HCRTR1: variants seen among roughly 807,000 people sequenced by gnomAD.
The protein encoded by HCRTR1 is hypocretin receptor 1, also known as orexin/Hypocretin receptor type 1.
Under a neutral mutation model 40.6 loss-of-function variants are expected in HCRTR1, and 28 were observed. That is an observed-to-expected ratio of 0.69 (90% CI 0.51 to 0.95). The LOEUF is 0.95. Among genes scored for constraint, HCRTR1 ranks in the 40% least tolerant of loss-of-function variants. The pLI is 0.00. For synonymous variants in HCRTR1, 209 were observed against 230.0 expected (o/e 0.91, Z 0.83); for missense variants, 482 against 564.7 (o/e 0.85, Z 1.48).
downstream of HCRTR1, among the ~76,000 whole-genome samples, chr1:31,628,466 G>C (rs1006396825): frequency 2.0e-5 from 3 of 152,242 alleles, no homozygotes; most frequent in African/African-American, 7.2e-5. Context: ...GGTTGGCACA[G>C]TGCATAGGTA....
chr1:31,627,317 T>TCC lies in HCRTR1; in HGVS notation c.*337_*338insCC. The TCC allele has an allele frequency of 7.5e-7, 1 of 1,335,870 alleles. No individual in the cohort carries two copies. The highest frequency in any genetic ancestry group is 9.8e-7 in the Non-Finnish European group (1 of 1,019,542). The allele number at this position is 1,335,870 out of a possible 1,614,324, so 82.8% of individuals were successfully genotyped here. On this transcript the variant is annotated 3_prime_UTR_variant, in exon 9 of 9. Coordinates refer to ENST00000403528, the MANE Select transcript of HCRTR1 (RefSeq NM_001525.3). ...TCCTAAAGACCCCTTTCCTACCCAA[T>TCC]TACAGGCCTTCCCTGGAGTCTGCTC...
rs546941944 is a variant in HCRTR1 at position 31,620,695 on chromosome 1, G to T, written c.379-148G>T. On this transcript the variant is annotated intron_variant, in intron 4 of 8. Transcript: ENST00000403528. ...ATTCTGTAGACGAGGCTCAGAGAGG[G>T]TGAGTGACTTGCCCACATTTACACA... 54 of 976,840 alleles carry T rather than the reference G, an allele frequency of 5.5e-5. No individual in the cohort carries two copies. In the African/African-American group the frequency reaches 7.9e-4, roughly 14 times the overall value. 60.5% of individuals were successfully genotyped at this position (976,840 alleles called of 1,614,324 possible).
chr1:31,624,414 C>A (rs1639928855), intron 7 of HCRTR1, among the ~76,000 whole-genome samples: 2 of 146,750 alleles, frequency 1.4e-5, no homozygotes, highest in Admixed American at 6.8e-5. Context: ...CATGATTGCA[C>A]CACTGCACTC....
rs749859402 is a variant in HCRTR1, at chr1:31,619,343, G to T, written c.151G>T (p.Ala51Ser). The T allele has an allele frequency of 6.2e-7, 1 of 1,614,218 alleles. No homozygotes were observed. Among genetic ancestry groups the T allele is most frequent in the Non-Finnish European group, 8.5e-7 (1 of 1,180,028 alleles). ...AAAACAGTATGAGTGGGTCCTCATC[G>T]CAGCCTATGTGGCTGTGTTCGTCGT... is the stretch of plus-strand genomic sequence containing the variant. ...YPKQYEWVLI[A>S]AYVAVFVVAL... Residue 51 changes from alanine (A) to serine (S), a missense_variant, in exon 3 of 9, where the codon GCA becomes TCA. Transcript: ENST00000403528.
At chr1:31,620,773 T>C in intron 4 of HCRTR1, 70 bp from the exon 5 acceptor site, 1 of 1,565,816 alleles carries the variant, frequency 6.4e-7, no homozygotes, top group Non-Finnish European at 8.6e-7. Context: ...GCCGTCAGCC[T>C]CCTCACTCAC....
Position 31,625,557 on chromosome 1 carries a change from C to G in HCRTR1, c.1087+439C>G, listed in dbSNP as rs1331435348. Reference sequence around the variant, plus strand: ...GTGTCAGGGCTAAAGTAGGGTCACTCTGAGAGACAAGCCAGGCCCAGGGAA... The same window carrying G: ...GTGTCAGGGCTAAAGTAGGGTCACTGTGAGAGACAAGCCAGGCCCAGGGAA... On this transcript the variant is annotated intron_variant, in intron 8 of 8. Transcript: ENST00000403528. This position sits in a 1 kb window ranked among gnomAD's most constrained non-coding sequence, Gnocchi z 4.2. Among the ~76,000 whole-genome samples, 15 of 152,222 alleles carry G rather than the reference C, an allele frequency of 9.9e-5. No individual in the cohort carries two copies. Among genetic ancestry groups the G allele is most frequent in the Admixed American group, 9.8e-4 (15 of 15,286 alleles).
chr1:31,632,304 G>T, downstream of HCRTR1: 1 of 967,450 alleles, frequency 1.0e-6, no homozygotes, highest in Non-Finnish European at 1.6e-6. Flanking sequence ...GTGTTTCCTT[G>T]CCCTGGCTCT....
chr1:31,624,654 G>A (rs765977886), intron 7 of HCRTR1, among the ~76,000 whole-genome samples: 9 of 152,056 alleles, frequency 5.9e-5, no homozygotes, highest in Admixed American at 3.3e-4. Flanking sequence ...TGTGATCTTC[G>A]GCATGTCACT....
chr1:31,628,793 G>A (rs921396697), downstream of HCRTR1, among the ~76,000 whole-genome samples: 2 of 152,376 alleles, frequency 1.3e-5, no homozygotes, highest in East Asian at 1.9e-4. Flanking sequence ...CAAGGGCAGA[G>A]ATGCTCAGCG....
chr1:31,618,475 C>G (rs1639777947), intron 1 of HCRTR1, among the ~76,000 whole-genome samples: 1 of 152,182 alleles, frequency 6.6e-6, no homozygotes, highest in Admixed American at 6.5e-5. Context: ...ACCGGAGGGT[C>G]TGGCAGGTAT....
In HCRTR1 at chr1:31,626,780, C is replaced by A; in HGVS notation, c.1088-10C>A. 1 of 1,601,204 alleles carries A rather than the reference C, an allele frequency of 6.2e-7. No individual in the cohort carries two copies. Among genetic ancestry groups the A allele is most frequent in the Non-Finnish European group, 8.5e-7 (1 of 1,172,196 alleles). ...CTCCTTATGGCTGTGTCTTTTGTCT[C>A]CCAACCAAGGCAAATTCCGGGAGCA... On this transcript the variant is annotated splice_polypyrimidine_tract_variant and intron_variant, in intron 8 of 8. Transcript: ENST00000403528. The surrounding 1 kb of genome is among the most constrained non-coding windows in gnomAD (Gnocchi z 4.6).
chr1:31,630,742 G>C, downstream of HCRTR1: 1 of 1,614,192 alleles, frequency 6.2e-7, no homozygotes, highest in Non-Finnish European at 8.5e-7. Context: ...CCTGGATGAA[G>C]CGGTCAAGCT....
At chr1:31,632,231 G>A (rs1300412424), downstream of HCRTR1, 44 of 639,840 alleles carry the variant, frequency 6.9e-5, no homozygotes, top group South Asian at 7.3e-4. Flanking sequence ...CATCCTTAAG[G>A]CTCCCTGTGG....
intron 7 of HCRTR1, among the ~76,000 whole-genome samples, chr1:31,624,448 CAAAAAA>C (rs11438872): frequency 3.6e-5 from 4 of 111,044 alleles, no homozygotes; most frequent in African/African-American, 5.0e-5. Flanking sequence ...ACAGCTGTCT[CAAAAAA>C]AAAAAAAAAA....
chr1:31,619,449 T>C, intron 3 of HCRTR1, 58 bp downstream of exon 3: 1 of 1,612,248 alleles, frequency 6.2e-7, no homozygotes. Flanking sequence ...TGAAGGGGGT[T>C]GTGTGGGAGG....
At chr1:31,633,934 A>G (rs1640186052), downstream of HCRTR1, among the ~76,000 whole-genome samples, 1 of 151,870 alleles carries the variant, frequency 6.6e-6, no homozygotes, top group South Asian at 2.1e-4. Context: ...CAGCCTGGGC[A>G]ACAAAAGCGA....
At position 31,623,674 on chromosome 1, in the gene HCRTR1, C is replaced by T; in HGVS notation, c.890C>T (p.Ala297Val). Reference protein sequence around the residue: ...VKQMRARRKTAKMLMVVLLVF... With the variant: ...VKQMRARRKTVKMLMVVLLVF... Reference sequence around the variant, plus strand: ...CAGATGCGTGCACGGAGGAAGACAGCCAAGATGCTGATGGTGGTGCTGCTG... The same window carrying T: ...CAGATGCGTGCACGGAGGAAGACAGTCAAGATGCTGATGGTGGTGCTGCTG... The change falls in exon 7 of 9, where the codon GCC (alanine) becomes GTC (valine). Residue 297 changes from alanine (A) to valine (V), a missense_variant. By Grantham distance (64) the Ala-to-Val change is moderately conservative. Transcript: ENST00000403528. 6.2e-7 allele frequency: 1 copy of T among 1,614,160 alleles called. No individual in the cohort carries two copies. Among genetic ancestry groups the T allele is most frequent in the Non-Finnish European group, 8.5e-7 (1 of 1,180,046 alleles).
Position 31,619,262 on chromosome 1 carries a change from C to G in HCRTR1, c.70C>G (p.Pro24Ala). 2 of 1,614,062 alleles carry G rather than the reference C, an allele frequency of 1.2e-6. No homozygotes were observed. The highest frequency in any genetic ancestry group is 1.7e-6 in the Non-Finnish European group (2 of 1,180,036). The change falls in exon 3 of 9, where the codon CCT (proline) becomes GCT (alanine). Residue 24 changes from proline (P) to alanine (A), a missense_variant. By Grantham distance (27) the Pro-to-Ala change is conservative (BLOSUM62 -1). Coordinates refer to ENST00000403528, the MANE Select transcript of HCRTR1 (RefSeq NM_001525.3). The part of the protein sequence containing the change: ...PPGSREPSPV[P>A]PDYEDEFLRY... Reference sequence around the variant, plus strand: ...TGGCAGCAGAGAGCCGTCCCCTGTGCCTCCAGACTATGAAGATGAGTTTCT... The same window carrying G: ...TGGCAGCAGAGAGCCGTCCCCTGTGGCTCCAGACTATGAAGATGAGTTTCT...
At position 31,618,806 on chromosome 1, in the gene HCRTR1, G is replaced by A. The variant is rs1212273963; in HGVS notation, c.-153G>A. 1.3e-5 allele frequency: 3 copies of A among 229,798 alleles called. No homozygotes were observed. The highest frequency in any genetic ancestry group is 2.2e-4 in the East Asian group (2 of 8,890). The allele number at this position is 229,798 out of a possible 1,614,324, so 14.2% of individuals were successfully genotyped here. ...ATCGGAGCTCATTACTCCTCATCGT[G>A]GTCCTGTAAGGTATGTAGGGCTGTC... is the stretch of plus-strand genomic sequence containing the variant. On this transcript the variant is annotated 5_prime_UTR_variant, in exon 2 of 9. Coordinates refer to ENST00000403528, the MANE Select transcript of HCRTR1 (RefSeq NM_001525.3).
Sources: allele counts gnomAD v4.1 joint callset (sites outside exome capture counted in the v4.1 genomes callset), GRCh38; gene constraint gnomAD v4.1.1; non-coding constraint Gnocchi (gnomAD v3.1); transcripts MANE v1.5; gene names NCBI Gene and HGNC (gene_info 2026-07-23, HGNC 2026-07-21).